Variants in MCF2L2 observed in about 807,000 individuals in gnomAD.
MCF2L2 encodes MCF.2 cell line derived transforming sequence-like 2.
In MCF2L2, 102 loss-of-function variants were observed where a neutral mutation model predicts 150.2. The ratio of observed to expected loss-of-function variants is 0.68; its 90% CI spans 0.58 to 0.80. The LOEUF (loss-of-function observed/expected upper bound fraction) is 0.80. Among genes scored for constraint, MCF2L2 ranks in the 30% least tolerant of loss-of-function variants. The pLI, the probability that MCF2L2 is intolerant of heterozygous loss-of-function variation, is 0.00. For synonymous variants in MCF2L2, 465 were observed against 491.3 expected (o/e 0.95, Z 0.71); for missense variants, 1,256 against 1,372.8 (o/e 0.91, Z 1.34).
intron 3 of MCF2L2, among the ~76,000 whole-genome samples, chr3:183,370,364 T>C (rs559121691): frequency 6.6e-6 from 1 of 152,206 alleles, no homozygotes; most frequent in Non-Finnish European, 1.5e-5. Context: ...AATGCCCGGG[T>C]GGGGCATCGG....
chr3:183,358,040 C>A (rs2136235), intron 3 of MCF2L2, among the ~76,000 whole-genome samples: 31,950 of 152,016 alleles, frequency 0.21, 4,564 homozygotes, highest in African/African-American at 0.4. Flanking sequence ...GTAATCCCAG[C>A]ACTTTGGGAG....
intron 1 of MCF2L2, among the ~76,000 whole-genome samples, chr3:183,411,179 A>T (rs1183404612): frequency 3.3e-5 from 5 of 152,214 alleles, no homozygotes. Flanking sequence ...TGTGAATTAC[A>T]TATGCATGTC....
intron 1 of MCF2L2, among the ~76,000 whole-genome samples, chr3:183,408,107 GT>G (rs1715135294): frequency 6.7e-6 from 1 of 148,392 alleles, no homozygotes; most frequent in Admixed American, 6.7e-5. Context: ...AAATTACCTT[GT>G]CCCCCCCAAT....
intron 3 of MCF2L2, among the ~76,000 whole-genome samples, chr3:183,363,069 G>C (rs1712308896): frequency 6.8e-6 from 1 of 146,066 alleles, no homozygotes; most frequent in Admixed American, 6.7e-5. Context: ...ATGTCATTGG[G>C]GAATTGCAAA....
chr3:183,262,677 T>C (rs2108423659), intron 15 of MCF2L2, among the ~76,000 whole-genome samples: 1 of 150,190 alleles, frequency 6.7e-6, no homozygotes, highest in South Asian at 2.1e-4. Flanking sequence ...TGATGTCTCC[T>C]CCTTTCTCTA....
At chr3:183,218,630 T>C (rs1723034206) in intron 21 of MCF2L2, among the ~76,000 whole-genome samples, 1 of 151,994 alleles carries the variant, frequency 6.6e-6, no homozygotes, top group Non-Finnish European at 1.5e-5. Context: ...CGAGACTCTG[T>C]CTCAAAAAAA....
In MCF2L2 at chr3:183,207,647, C is replaced by G; in HGVS notation, c.2673G>C (p.Gln891His). ...FCKIRMEPGD[Q>H]GLSPHYSFKK... ...TGAAGCTGTAATGAGGAGATAATCC[C>G]TGGTCCCCAGGCTCCATTCGTATCT... Residue 891 changes from glutamine to histidine, a missense_variant, in exon 23 of 30, where the codon CAG becomes CAC. Coordinates refer to ENST00000328913, the MANE Select transcript of MCF2L2 (RefSeq NM_015078.4). 1 of 1,614,190 alleles carries G rather than the reference C, an allele frequency of 6.2e-7. No homozygotes were observed. Among genetic ancestry groups the G allele is most frequent in the Admixed American group, 1.7e-5 (1 of 60,016 alleles).
chr3:183,275,018 C>G (rs1251497600), intron 15 of MCF2L2, among the ~76,000 whole-genome samples: 7 of 151,754 alleles, frequency 4.6e-5, no homozygotes, highest in Admixed American at 4.6e-4. Context: ...TCAATCATGA[C>G]CATACCTTGC....
Position 183,270,265 on chromosome 3 carries a change from T to C in MCF2L2, c.1862+6607A>G, listed in dbSNP as rs756310252. 3 of 1,614,074 alleles carry C rather than the reference T, an allele frequency of 1.9e-6. No homozygotes were observed. On this transcript the variant is annotated intron_variant, in intron 15 of 29. Coordinates refer to ENST00000328913, the MANE Select transcript of MCF2L2 (RefSeq NM_015078.4). The surrounding 1 kb of genome is among the most constrained non-coding windows in gnomAD (Gnocchi z 4.5). ...TGGGAAGATCAAAGGTACAATGATATAATTCAGCAAGACTTTGTTGATTCT... is the reference window on the plus strand; with the variant it reads ...TGGGAAGATCAAAGGTACAATGATACAATTCAGCAAGACTTTGTTGATTCT...
intron 1 of MCF2L2, among the ~76,000 whole-genome samples, chr3:183,408,774 A>G (rs1715173760): frequency 1.3e-5 from 2 of 152,200 alleles, no homozygotes; most frequent in Admixed American, 1.3e-4. Flanking sequence ...AGTTCAAATA[A>G]CTGAACAAAG....
At chr3:183,366,392 G>A (rs553253147) in intron 3 of MCF2L2, among the ~76,000 whole-genome samples, 1 of 152,210 alleles carries the variant, frequency 6.6e-6, no homozygotes, top group Non-Finnish European at 1.5e-5. Flanking sequence ...TGTAATCCCA[G>A]CACCGTGGGA....
At chr3:183,383,556 T>C (rs1362720060) in intron 2 of MCF2L2, among the ~76,000 whole-genome samples, 3 of 152,124 alleles carry the variant, frequency 2.0e-5, no homozygotes, top group East Asian at 3.9e-4. Context: ...TTTTTTTTAA[T>C]CTTAATAAAG....
intron 19 of MCF2L2, among the ~76,000 whole-genome samples, chr3:183,223,773 C>A (rs999602737): frequency 1.3e-5 from 2 of 152,152 alleles, no homozygotes; most frequent in Non-Finnish European, 2.9e-5. Context: ...TGGGGGCTGC[C>A]AGAGTCTATT....
At chr3:183,195,140 G>A (rs1269982780) in intron 26 of MCF2L2, 82 bp downstream of exon 26, 1 of 1,119,992 alleles carries the variant, frequency 8.9e-7, no homozygotes, top group Non-Finnish European at 1.3e-6. Flanking sequence ...GGGAAGAAAA[G>A]CAATAAAAGC....
At position 183,235,612 on chromosome 3, in the gene MCF2L2, G is replaced by A. The variant is rs1250900484; in HGVS notation, c.1863-4595C>T. The stretch of plus-strand genomic sequence containing the variant: ...TCTGGATATTAGCCCTTTGTCAGAT[G>A]AGTAGGTTGCGAAAATTTTCTCCCA... On this transcript the variant is annotated intron_variant, in intron 15 of 29. Transcript: ENST00000328913. Among the ~76,000 whole-genome samples the A allele has an allele frequency of 7.1e-5, 7 of 99,022 alleles. 3 individuals carry two copies. 65.0% of individuals were successfully genotyped at this position (99,022 alleles called of 152,430 possible). A position where few individuals can be genotyped will look rare whatever the true frequency, so the allele number is the denominator to read the frequency against.
chr3:183,415,230 G>A (rs1033488550), intron 1 of MCF2L2, among the ~76,000 whole-genome samples: 1 of 152,010 alleles, frequency 6.6e-6, no homozygotes, highest in Non-Finnish European at 1.5e-5. Flanking sequence ...TGTTGCCCAG[G>A]CTGGAGTGCA....
chr3:183,398,607 A>G (rs1386814554), intron 1 of MCF2L2, among the ~76,000 whole-genome samples: 1 of 152,112 alleles, frequency 6.6e-6, no homozygotes, highest in Non-Finnish European at 1.5e-5. Context: ...GTGGAAAAGC[A>G]AACACCCAAT....
At chr3:183,298,621 C>T (rs1362753049) in intron 11 of MCF2L2, 1 of 152,088 alleles carries the variant, frequency 6.6e-6, no homozygotes, top group Non-Finnish European at 1.5e-5. Context: ...TGAACTCATG[C>T]TTTGATATAT....
At chr3:183,286,558 C>T (rs1170090950) in intron 14 of MCF2L2, among the ~76,000 whole-genome samples, 1 of 152,148 alleles carries the variant, frequency 6.6e-6, no homozygotes, top group Non-Finnish European at 1.5e-5. Flanking sequence ...TTGAACCTAT[C>T]TTTTTCTTAC....
Sources: allele counts gnomAD v4.1 joint callset (sites outside exome capture counted in the v4.1 genomes callset), GRCh38; gene constraint gnomAD v4.1.1; non-coding constraint Gnocchi (gnomAD v3.1); transcripts MANE v1.5; gene names NCBI Gene and HGNC (gene_info 2026-07-23, HGNC 2026-07-21).